Variants in ZNF678 observed in about 807,000 individuals in gnomAD.
ZNF678 encodes hypothetical protein MGC42493.
Under a neutral mutation model 3.0 loss-of-function variants are expected in ZNF678, and 5 were observed. That is an observed-to-expected ratio of 1.69 (90% CI 0.88 to 3.56). The LOEUF is 3.56. ZNF678 is among the 30% of genes most tolerant of loss of function. The probability of loss-of-function intolerance (pLI) is 0.00; values close to 1 mark genes in which losing one functional copy is unlikely to be tolerated. For missense variants in ZNF678, 593 were observed against 605.0 expected, an observed-to-expected ratio of 0.98 and a Z score of 0.21; for synonymous variants, 218 against 199.6, an observed-to-expected ratio of 1.09 and a Z score of -0.78.
At position 227,631,114 on chromosome 1, in the gene ZNF678, C is replaced by A. The variant is rs191345168; in HGVS notation, c.-163-15430C>A. 2.0e-5 allele frequency among the ~76,000 whole-genome samples: 3 copies of A among 152,152 alleles called. No individual in the cohort carries two copies. The East Asian group carries it at 5.8e-4, about 29-fold the overall frequency. On this transcript the variant is annotated intron_variant, in intron 1 of 3. Coordinates refer to ENST00000343776, the MANE Select transcript of ZNF678 (RefSeq NM_001367909.1). ...AATTCTCCAGAATACATCTTAGGGG[C>A]GTTTTTGCCTTGGAGGGAACGTTTC...
intron 5 of ZNF678, among the ~76,000 whole-genome samples, chr1:227,670,482 G>T (rs1324459497): frequency 6.6e-6 from 1 of 152,166 alleles, no homozygotes; most frequent in Non-Finnish European, 1.5e-5. Flanking sequence ...TTACCAGGGT[G>T]GGCTTCAGAG....
chr1:227,565,595 TTTG>T (rs1656658467), intron 1 of ZNF678, among the ~76,000 whole-genome samples: 1 of 152,160 alleles, frequency 6.6e-6, no homozygotes, highest in African/African-American at 2.4e-5. Flanking sequence ...TCTTTAAAGA[TTTG>T]TTATCTGTTT....
rs1659386018 is a variant in ZNF678, at chr1:227,660,842, C to T, written c.*5014C>T. 6.6e-6 allele frequency: 1 copy of T among 152,104 alleles called. No individual in the cohort carries two copies. The highest frequency in any genetic ancestry group is 2.1e-4 in the South Asian group (1 of 4,820). The allele number at this position is 152,104 out of a possible 1,614,324, so 9.4% of individuals were successfully genotyped here. On this transcript the variant is annotated 3_prime_UTR_variant, in exon 4 of 4. Coordinates refer to ENST00000343776, the MANE Select transcript of ZNF678 (RefSeq NM_001367909.1). ...AGCATGATGTCAGATGTCCATTTGTCATATATGGCCTTTATTGGCTTGAGG... is the reference window on the plus strand; with the variant it reads ...AGCATGATGTCAGATGTCCATTTGTTATATATGGCCTTTATTGGCTTGAGG...
At chr1:227,616,062 C>G (rs1467736836) in intron 1 of ZNF678, among the ~76,000 whole-genome samples, 1 of 152,180 alleles carries the variant, frequency 6.6e-6, no homozygotes, top group African/African-American at 2.4e-5. Flanking sequence ...AGAGGATACT[C>G]TCATACTTAT....
At position 227,654,749 on chromosome 1, in the gene ZNF678, CAACT is replaced by C. The variant is rs757767600; in HGVS notation, c.507_510del (p.Asn170IlefsTer26). ...TGGCAAAGTTTTTAATTGGTGGTCACAACTAACTAACCATAAGAAAATTCATACT... is the reference window on the plus strand; with the variant it reads ...TGGCAAAGTTTTTAATTGGTGGTCACAACTAACCATAAGAAAATTCATACT... On this transcript the variant is annotated frameshift_variant, in exon 4 of 4. Coordinates refer to ENST00000343776, the MANE Select transcript of ZNF678 (RefSeq NM_001367909.1). LOFTEE classifies it low-confidence loss of function (END_TRUNC). 1.9e-5 allele frequency: 30 copies of C among 1,607,468 alleles called. No homozygotes were observed. Among genetic ancestry groups the C allele is most frequent in the African/African-American group, 5.4e-5 (4 of 73,428 alleles).
At chr1:227,566,934 G>A (rs1283165124) in intron 1 of ZNF678, among the ~76,000 whole-genome samples, 4 of 152,130 alleles carry the variant, frequency 2.6e-5, no homozygotes, top group African/African-American at 9.7e-5. Context: ...AATAGGAAAC[G>A]TCTCTTTTTC....
At chr1:227,617,072 AC>A (rs1208325578) in intron 1 of ZNF678, among the ~76,000 whole-genome samples, 1 of 152,156 alleles carries the variant, frequency 6.6e-6, no homozygotes, top group East Asian at 1.9e-4. Flanking sequence ...TGACATGCTA[AC>A]CTTTAGGATT....
chr1:227,589,114 T>G (rs1012221319), intron 1 of ZNF678, among the ~76,000 whole-genome samples: 1 of 147,716 alleles, frequency 6.8e-6, no homozygotes, highest in Non-Finnish European at 1.5e-5. Flanking sequence ...GATGATCATT[T>G]CTTTTGCCGT....
intron 1 of ZNF678, among the ~76,000 whole-genome samples, chr1:227,601,798 C>T (rs1352794684): frequency 6.6e-6 from 1 of 151,970 alleles, no homozygotes; most frequent in Non-Finnish European, 1.5e-5. Flanking sequence ...CTTCTGACCT[C>T]GTGACCTGCC....
At chr1:227,606,664 T>C (rs1394759921) in intron 1 of ZNF678, among the ~76,000 whole-genome samples, 2 of 152,150 alleles carry the variant, frequency 1.3e-5, no homozygotes, top group East Asian at 3.9e-4. Flanking sequence ...TATCTCAGGC[T>C]GTCTCAGTGG....
At chr1:227,606,032 C>G (rs1053979310) in intron 1 of ZNF678, among the ~76,000 whole-genome samples, 4 of 152,196 alleles carry the variant, frequency 2.6e-5, no homozygotes, top group African/African-American at 7.2e-5. Context: ...GGGCCTGCCC[C>G]TCCACACCGG....
At chr1:227,601,865 G>C (rs1053089669) in intron 1 of ZNF678, among the ~76,000 whole-genome samples, 2 of 152,066 alleles carry the variant, frequency 1.3e-5, no homozygotes, top group African/African-American at 4.8e-5. Flanking sequence ...GCCTGGCTTG[G>C]CTTTATAATT....
At chr1:227,593,867 C>CT (rs1357304195) in intron 1 of ZNF678, among the ~76,000 whole-genome samples, 19 of 33,606 alleles carry the variant, frequency 5.7e-4, no homozygotes, top group South Asian at 1.5e-3. Flanking sequence ...CCCCCCCCCC[C>CT]TTTTTTTTTT....
At chr1:227,678,096 A>G (rs1411222627), downstream of ZNF678, among the ~76,000 whole-genome samples, 1 of 152,196 alleles carries the variant, frequency 6.6e-6, no homozygotes, top group Non-Finnish European at 1.5e-5. Context: ...TAAACACTTT[A>G]GTCCACCAAA....
At chr1:227,666,205 C>T (rs189942809), downstream of ZNF678, among the ~76,000 whole-genome samples, 250 of 152,216 alleles carry the variant, frequency 1.6e-3, 1 homozygote, top group African/African-American at 5.7e-3. Context: ...GGATTTGCCT[C>T]ATTAATGTAT....
Position 227,579,662 on chromosome 1 carries a change from A to C in ZNF678, c.-164+15938A>C, listed in dbSNP as rs182702699. Among the ~76,000 whole-genome samples the C allele has an allele frequency of 1.3e-3, 205 of 152,232 alleles. 1 individual carries two copies. The highest frequency in any genetic ancestry group is 7.0e-3 in the South Asian group (34 of 4,826). On this transcript the variant is annotated intron_variant, in intron 1 of 3. Coordinates refer to ENST00000343776, the MANE Select transcript of ZNF678 (RefSeq NM_001367909.1). ...CGCTGGAGGTCTTCACCAGTCGGGCATAGTGCATCAGTGCAAAAGCTACAG... is the reference window on the plus strand; with the variant it reads ...CGCTGGAGGTCTTCACCAGTCGGGCCTAGTGCATCAGTGCAAAAGCTACAG...
chr1:227,670,408 G>A (rs920780641), intron 5 of ZNF678, among the ~76,000 whole-genome samples: 1 of 152,148 alleles, frequency 6.6e-6, no homozygotes, highest in Non-Finnish European at 1.5e-5. Context: ...CCATTTAAAC[G>A]AGTAGTTTGG....
intron 1 of ZNF678, among the ~76,000 whole-genome samples, chr1:227,584,684 A>G (rs968621912): frequency 6.6e-6 from 1 of 152,244 alleles, no homozygotes; most frequent in Admixed American, 6.5e-5. Flanking sequence ...CTCTAAATAC[A>G]GACAGTATGG....
chr1:227,617,094 C>T (rs529663260), intron 1 of ZNF678, among the ~76,000 whole-genome samples: 1 of 152,148 alleles, frequency 6.6e-6, no homozygotes, highest in Non-Finnish European at 1.5e-5. Flanking sequence ...GTGAAGCTAG[C>T]CCTGCCATCA....
Sources: gnomAD v4.1 joint callset for allele counts (sites outside exome capture counted in the v4.1 genomes callset) on GRCh38, gnomAD v4.1.1 for gene constraint, MANE v1.5 for transcripts, NCBI Gene and HGNC (gene_info 2026-07-23, HGNC 2026-07-21) for gene names.